SLC5A4: variants seen among roughly 807,000 people sequenced by gnomAD.
The protein encoded by SLC5A4 is solute carrier family 5 member 4, also known as probable glucose sensor protein SLC5A4.
Under a neutral mutation model 70.3 loss-of-function variants are expected in SLC5A4, and 55 were observed. The ratio of observed to expected loss-of-function variants is 0.78; its 90% CI spans 0.63 to 0.98. The LOEUF is 0.98. SLC5A4 is among the 50% of genes least tolerant of loss of function. SLC5A4 has a pLI of 0.00. For synonymous variants in SLC5A4, 268 were observed against 305.7 expected (o/e 0.88, Z 1.29); for missense variants, 735 against 839.2 (o/e 0.88, Z 1.53).
the SLC5A4 span, among the ~76,000 whole-genome samples, chr22:32,263,174 CTGTT>C: frequency 4.0e-5 from 6 of 150,418 alleles, no homozygotes; most frequent in African/African-American, 1.5e-4. Context: ...TAGTTTTTGT[CTGTT>C]TGTTGTTTTT....
chr22:32,260,637 G>T, the SLC5A4 span, among the ~76,000 whole-genome samples: 730 of 152,282 alleles, frequency 4.8e-3, 4 homozygotes, highest in African/African-American at 0.015. Context: ...CATGGAGGGT[G>T]GCAGTGGCAG....
At chr22:32,286,712 T>G in the SLC5A4 span, among the ~76,000 whole-genome samples, 1 of 152,202 alleles carries the variant, frequency 6.6e-6, no homozygotes, top group Non-Finnish European at 1.5e-5. Context: ...AATGGCATAC[T>G]TGCATTAAGA....
the SLC5A4 span, among the ~76,000 whole-genome samples, chr22:32,304,699 A>G: frequency 5.3e-5 from 8 of 152,166 alleles, no homozygotes; most frequent in African/African-American, 1.7e-4. Flanking sequence ...CATTCTCTTG[A>G]TAGTATTTCA....
chr22:32,294,973 G>A, the SLC5A4 span, among the ~76,000 whole-genome samples: 1 of 95,076 alleles, frequency 1.1e-5, no homozygotes. Flanking sequence ...TTTCATCCAT[G>A]TCCCTACAAA....
At chr22:32,253,410 G>A (rs1297401412) in intron 2 of SLC5A4, among the ~76,000 whole-genome samples, 2 of 152,202 alleles carry the variant, frequency 1.3e-5, no homozygotes, top group Non-Finnish European at 2.9e-5. Flanking sequence ...GGGACCCATG[G>A]AGAGAGCCGG....
chr22:32,226,720 C>G (rs1007895882), intron 11 of SLC5A4, among the ~76,000 whole-genome samples: 1 of 152,056 alleles, frequency 6.6e-6, no homozygotes, highest in South Asian at 2.1e-4. Context: ...TGTGCTTTCC[C>G]AACTCATTCA....
At chr22:32,328,062 G>A in the SLC5A4 span, among the ~76,000 whole-genome samples, 64 of 150,618 alleles carry the variant, frequency 4.2e-4, 2 homozygotes, top group South Asian at 2.1e-3. Context: ...CTTGGACGAC[G>A]TCCCCAACAC....
At chr22:32,345,107 A>G in the SLC5A4 span, among the ~76,000 whole-genome samples, 1 of 152,324 alleles carries the variant, frequency 6.6e-6, no homozygotes, top group East Asian at 1.9e-4. Context: ...TATTAACTGC[A>G]AAAGCTGTAA....
the SLC5A4 span, among the ~76,000 whole-genome samples, chr22:32,287,306 G>T: frequency 3.3e-5 from 5 of 152,138 alleles, 1 homozygote; most frequent in Admixed American, 2.0e-4. Context: ...GAGAGTGATG[G>T]AATGACAAAA....
chr22:32,324,985 G>C, the SLC5A4 span, among the ~76,000 whole-genome samples: 1 of 152,230 alleles, frequency 6.6e-6, no homozygotes, highest in African/African-American at 2.4e-5. Flanking sequence ...GCAGGAAGCT[G>C]TTCCTGTGTG....
the SLC5A4 span, among the ~76,000 whole-genome samples, chr22:32,306,315 A>T: frequency 7.5e-6 from 1 of 133,544 alleles, no homozygotes; most frequent in Non-Finnish European, 1.6e-5. Context: ...AATACAAAAA[A>T]TTAGCCAGGT....
chr22:32,308,194 A>T, the SLC5A4 span, among the ~76,000 whole-genome samples: 1 of 152,068 alleles, frequency 6.6e-6, no homozygotes, highest in South Asian at 2.1e-4. Flanking sequence ...CATGGGGGAA[A>T]TCTGTAAATT....
At chr22:32,310,129 A>G in the SLC5A4 span, among the ~76,000 whole-genome samples, 1 of 151,980 alleles carries the variant, frequency 6.6e-6, no homozygotes, top group African/African-American at 2.4e-5. Flanking sequence ...GTAAATCTCA[A>G]GGGATGCTTA....
Position 32,225,735 on chromosome 22 carries a change from C to A in SLC5A4, c.1369G>T (p.Glu457Ter). ...SQNGQLIHYT[E>*]SISSYLGPPI... ...GGCCCAAGGTAGCTAGAAATTGATTCTGTGTAATGGATTAGTTGTCCATTT... is the reference window on the plus strand; with the variant it reads ...GGCCCAAGGTAGCTAGAAATTGATTATGTGTAATGGATTAGTTGTCCATTT... The change falls in exon 12 of 15, where the codon GAA becomes TAA. Residue 457 changes from glutamate (E) to a stop codon, truncating the protein, a stop_gained. Coordinates refer to ENST00000266086, the MANE Select transcript of SLC5A4 (RefSeq NM_014227.3). LOFTEE classifies it high-confidence loss of function. 6.2e-7 allele frequency: 1 copy of A among 1,612,662 alleles called. No homozygotes were observed. Among genetic ancestry groups the A allele is most frequent in the Non-Finnish European group, 8.5e-7 (1 of 1,178,696 alleles).
At chr22:32,269,758 G>C in the SLC5A4 span, 1 of 655,452 alleles carries the variant, frequency 1.5e-6, no homozygotes, top group South Asian at 1.4e-5. The surrounding 1 kb of genome is among the most constrained non-coding windows in gnomAD (Gnocchi z 4.1). Flanking sequence ...ACCCAGCTGG[G>C]TGTGTGAATC....
intron 6 of SLC5A4, among the ~76,000 whole-genome samples, chr22:32,238,441 TGG>T: frequency 6.6e-6 from 1 of 152,330 alleles, no homozygotes; most frequent in South Asian, 2.1e-4. Context: ...CCAACTCAGC[TGG>T]TATACTTTAA....
chr22:32,271,088 C>A, the SLC5A4 span: 2 of 586,680 alleles, frequency 3.4e-6, no homozygotes, highest in Admixed American at 2.5e-5. Context: ...GGAGGTGGCC[C>A]GAAGAAGCAG....
At chr22:32,282,562 T>C in the SLC5A4 span, among the ~76,000 whole-genome samples, 69 of 152,374 alleles carry the variant, frequency 4.5e-4, no homozygotes, top group African/African-American at 1.5e-3. Context: ...GATCTCATCC[T>C]GCCTTGGGCT....
the SLC5A4 span, among the ~76,000 whole-genome samples, chr22:32,290,083 CTTTTTA>C: frequency 8.1e-6 from 1 of 122,796 alleles, no homozygotes. Context: ...TTCTTTTTTT[CTTTTTA>C]CTTTTATTTT....
Sources: allele counts gnomAD v4.1 joint callset (sites outside exome capture counted in the v4.1 genomes callset), GRCh38; gene constraint gnomAD v4.1.1; non-coding constraint Gnocchi (gnomAD v3.1); transcripts MANE v1.5; gene names NCBI Gene and HGNC (gene_info 2026-07-23, HGNC 2026-07-21).